ST6GALNAC3: variants seen among roughly 807,000 people sequenced by gnomAD.
The protein encoded by ST6GALNAC3 is ST6 N-acetylgalactosaminide alpha-2,6-sialyltransferase 3, also known as alpha-N-acetylgalactosaminide alpha-2,6-sialyltransferase 3.
Under a neutral mutation model 32.7 loss-of-function variants are expected in ST6GALNAC3, and 25 were observed. The ratio of observed to expected loss-of-function variants is 0.76; its 90% CI spans 0.56 to 1.07. ST6GALNAC3 has a LOEUF of 1.07. Ranked by LOEUF, ST6GALNAC3 falls within the 50% of genes least tolerant of loss-of-function variation. The pLI, the probability that ST6GALNAC3 is intolerant of heterozygous loss-of-function variation, is 0.00. For missense variants in ST6GALNAC3, 355 were observed against 382.4 expected (o/e 0.93, Z 0.60); for synonymous variants, 129 against 133.1 (o/e 0.97, Z 0.21).
chr1:76,438,970 C>T (rs1229057262), intron 3 of ST6GALNAC3, among the ~76,000 whole-genome samples: 1 of 152,200 alleles, frequency 6.6e-6, no homozygotes, highest in Non-Finnish European at 1.5e-5. Flanking sequence ...GTCTGCAACA[C>T]TATGCTCAAT....
intron 3 of ST6GALNAC3, among the ~76,000 whole-genome samples, chr1:76,584,824 T>C (rs1646937735): frequency 6.6e-6 from 1 of 152,234 alleles, no homozygotes; most frequent in Non-Finnish European, 1.5e-5. Flanking sequence ...TTGACCTATT[T>C]TGTCCGATGG....
intron 1 of ST6GALNAC3, among the ~76,000 whole-genome samples, chr1:76,206,392 C>G (rs1269072021): frequency 6.6e-6 from 1 of 152,134 alleles, no homozygotes; most frequent in African/African-American, 2.4e-5. Context: ...TCCACTTGTA[C>G]AGATTAGGCA....
At chr1:76,537,703 A>T (rs2100257509) in intron 3 of ST6GALNAC3, among the ~76,000 whole-genome samples, 1 of 152,348 alleles carries the variant, frequency 6.6e-6, no homozygotes, top group East Asian at 1.9e-4. Flanking sequence ...CTGATCCCAC[A>T]GAAATGCAAA....
intron 3 of ST6GALNAC3, among the ~76,000 whole-genome samples, chr1:76,467,478 G>C (rs541270163): frequency 3.9e-5 from 6 of 152,080 alleles, no homozygotes; most frequent in African/African-American, 1.4e-4. Flanking sequence ...CTGGGGATTA[G>C]TTAAATAAAG....
intron 2 of ST6GALNAC3, among the ~76,000 whole-genome samples, chr1:76,355,789 G>A (rs542410192): frequency 6.6e-6 from 1 of 152,208 alleles, no homozygotes; most frequent in Non-Finnish European, 1.5e-5. Context: ...CCTTTCCATT[G>A]CTGATCTGCA....
chr1:76,284,662 A>G (rs963362224), intron 1 of ST6GALNAC3, among the ~76,000 whole-genome samples: 4 of 152,090 alleles, frequency 2.6e-5, no homozygotes, highest in Non-Finnish European at 4.4e-5. Flanking sequence ...TAGGACTATT[A>G]TAGAAATGAG....
At chr1:76,471,296 A>G (rs1313224649) in intron 3 of ST6GALNAC3, among the ~76,000 whole-genome samples, 2 of 152,076 alleles carry the variant, frequency 1.3e-5, no homozygotes, top group East Asian at 1.9e-4. Flanking sequence ...TCCTTCATCT[A>G]CTGTCTATAG....
At chr1:76,227,646 A>C (rs1461341317) in intron 1 of ST6GALNAC3, among the ~76,000 whole-genome samples, 4 of 152,242 alleles carry the variant, frequency 2.6e-5, no homozygotes, top group Non-Finnish European at 5.9e-5. Flanking sequence ...AATGTATTTT[A>C]ACAATAGTTT....
At chr1:76,084,895 C>T (rs1202973040) in intron 1 of ST6GALNAC3, among the ~76,000 whole-genome samples, 1 of 152,138 alleles carries the variant, frequency 6.6e-6, no homozygotes, top group Admixed American at 6.5e-5. Flanking sequence ...AGGTAGTTTA[C>T]AGATATTTAT....
chr1:76,403,151 G>C (rs1411434411), intron 2 of ST6GALNAC3, among the ~76,000 whole-genome samples: 1 of 152,034 alleles, frequency 6.6e-6, no homozygotes, highest in African/African-American at 2.4e-5. Context: ...AAATTTATTA[G>C]GTAGTATGAT....
At chr1:76,221,718 G>T (rs67757470) in intron 1 of ST6GALNAC3, among the ~76,000 whole-genome samples, 1 of 152,040 alleles carries the variant, frequency 6.6e-6, no homozygotes, top group Non-Finnish European at 1.5e-5. Context: ...GTATGATAAT[G>T]AATTTTTTTC....
chr1:76,178,258 A>T lies in ST6GALNAC3; in HGVS notation c.18+103374A>T, dbSNP rs417932. Among the ~76,000 whole-genome samples, 5 of 151,978 alleles carry T rather than the reference A, an allele frequency of 3.3e-5. 1 individual carries two copies. The South Asian group carries it at 6.2e-4, about 19-fold the overall frequency. On this transcript the variant is annotated intron_variant, in intron 1 of 4. Coordinates refer to ENST00000328299, the MANE Select transcript of ST6GALNAC3 (RefSeq NM_152996.4). ...CACCAGGGTAAGCCATTTTAGAAAG[A>T]GAGATTTTGTATTGAACTTACGAGA...
intron 2 of ST6GALNAC3, among the ~76,000 whole-genome samples, chr1:76,399,783 C>T (rs1653261384): frequency 6.6e-6 from 1 of 152,136 alleles, no homozygotes; most frequent in Admixed American, 6.5e-5. Flanking sequence ...ATTTTCTCCA[C>T]AGAGGTCTTG....
intron 1 of ST6GALNAC3, among the ~76,000 whole-genome samples, chr1:76,154,499 T>G (rs187921578): frequency 6.6e-6 from 1 of 152,350 alleles, no homozygotes; most frequent in African/African-American, 2.4e-5. Flanking sequence ...AAACGCCTGT[T>G]GCAAATGAAG....
At chr1:76,162,125 C>G (rs1252168825) in intron 1 of ST6GALNAC3, among the ~76,000 whole-genome samples, 3 of 152,196 alleles carry the variant, frequency 2.0e-5, no homozygotes, top group Non-Finnish European at 4.4e-5. Context: ...GTTGGCTTTG[C>G]TGCTTAACAG....
intron 1 of ST6GALNAC3, among the ~76,000 whole-genome samples, chr1:76,123,749 A>ATTTTTTTTT (rs767734132): frequency 6.4e-5 from 6 of 94,294 alleles, no homozygotes; most frequent in Admixed American, 1.5e-4. Flanking sequence ...ACTCATTTTA[A>ATTTTTTTTT]TTTTTTTTTT....
intron 1 of ST6GALNAC3, among the ~76,000 whole-genome samples, chr1:76,125,196 C>T (rs1003618375): frequency 6.6e-6 from 1 of 152,228 alleles, no homozygotes; most frequent in African/African-American, 2.4e-5. Context: ...AACAAGGTTT[C>T]CATCTGCTGG....
rs190638123 is a variant in ST6GALNAC3, at chr1:76,148,398, T to C, written c.18+73514T>C. Reference sequence around the variant, plus strand: ...TTCCGGGGCTATATTTTCTTTTCTTTTTGGGTTTTCATGTTCACATTTCAT... The same window carrying C: ...TTCCGGGGCTATATTTTCTTTTCTTCTTGGGTTTTCATGTTCACATTTCAT... On this transcript the variant is annotated intron_variant, in intron 1 of 4. Transcript: ENST00000328299. Among the ~76,000 whole-genome samples the C allele has an allele frequency of 6.2e-3, 944 of 152,328 alleles. 3 individuals carry two copies. The highest frequency in any genetic ancestry group is 0.01 in the Non-Finnish European group (698 of 68,036).
chr1:76,109,540 G>T (rs963295881), intron 1 of ST6GALNAC3, among the ~76,000 whole-genome samples: 2 of 152,190 alleles, frequency 1.3e-5, no homozygotes, highest in African/African-American at 4.8e-5. Flanking sequence ...GGCTTTGGTG[G>T]TTCCTGTCCA....
Sources: allele counts gnomAD v4.1 joint callset (sites outside exome capture counted in the v4.1 genomes callset), GRCh38; gene constraint gnomAD v4.1.1; transcripts MANE v1.5; gene names NCBI Gene and HGNC (gene_info 2026-07-23, HGNC 2026-07-21).